Variants in RBFOX1 observed in about 807,000 individuals in gnomAD.
RBFOX1 encodes the protein RNA binding protein fox-1 homolog 1.
In RBFOX1, 8 loss-of-function variants were observed where a neutral mutation model predicts 57.7. The observed-to-expected ratio is 0.14, with a 90% confidence interval of 0.08 to 0.25. The LOEUF (loss-of-function observed/expected upper bound fraction) is 0.25, where lower values mean the gene tolerates loss of function less well. RBFOX1 is among the 10% of genes least tolerant of loss of function. The probability of loss-of-function intolerance (pLI) is 1.00; values close to 1 mark genes in which losing one functional copy is unlikely to be tolerated. For missense variants in RBFOX1, 611 were observed against 548.5 expected, an observed-to-expected ratio of 1.11 and a Z score of -1.14; for synonymous variants, 326 against 222.4, an observed-to-expected ratio of 1.47 and a Z score of -4.15.
In RBFOX1 at chr16:7,668,021, G is replaced by A. The variant is rs143211653; in HGVS notation, c.930+3053G>A. On this transcript the variant is annotated intron_variant, in intron 13 of 15. Transcript: ENST00000550418. ...TATTGGGTAGTCAGTTTCTAGCTTCGGTCACTGCTAAGGAAGACAAAGGAG... is the reference window on the plus strand; with the variant it reads ...TATTGGGTAGTCAGTTTCTAGCTTCAGTCACTGCTAAGGAAGACAAAGGAG... Among the ~76,000 whole-genome samples, 175 of 152,122 alleles carry A rather than the reference G, an allele frequency of 1.2e-3. 2 individuals carry two copies. The highest frequency in any genetic ancestry group is 4.0e-3 in the African/African-American group (166 of 41,506).
intron 12 of RBFOX1, among the ~76,000 whole-genome samples, chr16:7,661,707 A>G (rs1223426035): frequency 6.6e-6 from 1 of 152,222 alleles, no homozygotes; most frequent in African/African-American, 2.4e-5. Flanking sequence ...ATGCCTTCGC[A>G]TAGTAGTTGG....
intron 1 of RBFOX1, among the ~76,000 whole-genome samples, chr16:5,307,037 A>C (rs1273423525): frequency 1.3e-5 from 2 of 151,870 alleles, no homozygotes; most frequent in South Asian, 4.2e-4. Flanking sequence ...TACTATTTTC[A>C]CTTCAACTTA....
At chr16:6,212,512 C>T (rs920706884) in intron 1 of RBFOX1, among the ~76,000 whole-genome samples, 1 of 152,078 alleles carries the variant, frequency 6.6e-6, no homozygotes, top group Non-Finnish European at 1.5e-5. Context: ...TCAAGACCAT[C>T]CTGGCTAATA....
intron 1 of RBFOX1, chr16:5,365,971 T>C: frequency 2.0e-6 from 1 of 494,436 alleles, no homozygotes; most frequent in South Asian, 1.5e-5. Flanking sequence ...GAATCGTACA[T>C]TGTGGAAGCA....
At chr16:5,665,148 G>C (rs1172640431) in intron 3 of RBFOX1, among the ~76,000 whole-genome samples, 2 of 141,518 alleles carry the variant, frequency 1.4e-5, no homozygotes, top group Non-Finnish European at 3.0e-5. Context: ...GGGCGGTCTT[G>C]CTATATTGCC....
intron 3 of RBFOX1, among the ~76,000 whole-genome samples, chr16:5,715,342 C>G (rs1441749265): frequency 6.6e-6 from 1 of 152,168 alleles, no homozygotes; most frequent in East Asian, 1.9e-4. Flanking sequence ...ATGTTCCCTG[C>G]CATAACTCAC....
chr16:6,648,940 CACA>C (rs2098554914), intron 2 of RBFOX1, among the ~76,000 whole-genome samples: 1 of 152,182 alleles, frequency 6.6e-6, no homozygotes, highest in Non-Finnish European at 1.5e-5. Context: ...TACATTACCT[CACA>C]ACGTCATTTT....
At chr16:7,635,142 G>C (rs1257996773) in intron 11 of RBFOX1, among the ~76,000 whole-genome samples, 2 of 152,164 alleles carry the variant, frequency 1.3e-5, no homozygotes, top group Non-Finnish European at 2.9e-5. Flanking sequence ...GCACCAGGCA[G>C]AAATAGGAAG....
chr16:5,565,627 C>CATACATACATAA (rs1555466588), intron 2 of RBFOX1, among the ~76,000 whole-genome samples: 5 of 142,756 alleles, frequency 3.5e-5, no homozygotes, highest in Non-Finnish European at 7.6e-5. Context: ...CTCTGCCTTA[C>CATACATACATAA]ATAAATAAAT....
intron 4 of RBFOX1, among the ~76,000 whole-genome samples, chr16:7,435,660 CACT>C (rs2098715841): frequency 6.6e-6 from 1 of 152,186 alleles, no homozygotes; most frequent in South Asian, 2.1e-4. Flanking sequence ...GAATTTGGCT[CACT>C]ACCAGGAACA....
chr16:7,654,759 C>T (rs2065907650), intron 12 of RBFOX1, among the ~76,000 whole-genome samples: 1 of 152,196 alleles, frequency 6.6e-6, no homozygotes, highest in African/African-American at 2.4e-5. Flanking sequence ...AGGGATACCT[C>T]CAAGGCAGTG....
intron 2 of RBFOX1, among the ~76,000 whole-genome samples, chr16:5,531,919 C>T (rs966207565): frequency 5.9e-5 from 9 of 151,956 alleles, no homozygotes; most frequent in Non-Finnish European, 1.3e-4. Context: ...CCTGCCTCAG[C>T]CTCCTGAATA....
intron 3 of RBFOX1, among the ~76,000 whole-genome samples, chr16:6,813,044 C>G (rs937612480): frequency 6.6e-6 from 1 of 151,826 alleles, no homozygotes; most frequent in African/African-American, 2.4e-5. Flanking sequence ...ATTGTCATGG[C>G]AACCAGTCAA....
Position 5,523,826 on chromosome 16 carries a change from C to G in RBFOX1, c.258+56572C>G, listed in dbSNP as rs554676920. On this transcript the variant is annotated intron_variant, in intron 2 of 2. Coordinates refer to the RBFOX1 transcript ENST00000585867. The stretch of plus-strand genomic sequence containing the variant: ...AGAGGATTTGGAAGTAGGAAGAGAA[C>G]AAGCCGCAGCGGCCCCTGGAGGACC... Among the ~76,000 whole-genome samples, 16 of 152,236 alleles carry G rather than the reference C, an allele frequency of 1.1e-4. No homozygotes were observed. The South Asian group carries it at 3.1e-3, about 30-fold the overall frequency.
intron 2 of RBFOX1, among the ~76,000 whole-genome samples, chr16:6,508,838 G>A (rs989359294): frequency 3.3e-5 from 5 of 149,974 alleles, no homozygotes; most frequent in South Asian, 2.1e-4. Context: ...GTAAAACTGC[G>A]CTTACTTTTG....
At chr16:6,764,181 A>G (rs188886187) in intron 3 of RBFOX1, among the ~76,000 whole-genome samples, 66 of 152,292 alleles carry the variant, frequency 4.3e-4, no homozygotes, top group Admixed American at 3.1e-3. Context: ...GGTGCCCTCA[A>G]TATCTCCCAC....
At chr16:7,107,571 T>C (rs186878733) in intron 4 of RBFOX1, among the ~76,000 whole-genome samples, 1 of 152,220 alleles carries the variant, frequency 6.6e-6, no homozygotes, top group Non-Finnish European at 1.5e-5. Flanking sequence ...GTAATCAAGG[T>C]AGTGAACATC....
At chr16:6,778,218 A>G (rs2079721762) in intron 3 of RBFOX1, among the ~76,000 whole-genome samples, 1 of 152,164 alleles carries the variant, frequency 6.6e-6, no homozygotes, top group Non-Finnish European at 1.5e-5. Context: ...CATTTTTGTC[A>G]GTAAATTAAA....
chr16:6,218,517 C>G (rs1164570478), intron 1 of RBFOX1, among the ~76,000 whole-genome samples: 1 of 152,064 alleles, frequency 6.6e-6, no homozygotes, highest in Non-Finnish European at 1.5e-5. Context: ...ACCCTGTTTG[C>G]CAGGCTGATC....
Sources: gnomAD v4.1 joint callset for allele counts (sites outside exome capture counted in the v4.1 genomes callset) on GRCh38, gnomAD v4.1.1 for gene constraint, MANE v1.5 for transcripts, NCBI Gene and HGNC (gene_info 2026-07-23, HGNC 2026-07-21) for gene names.